Variants in CLDN16 observed in about 807,000 individuals in gnomAD.
CLDN16 encodes claudin 16, also known as claudin-16.
A neutral mutation model predicts 24.6 loss-of-function variants in CLDN16; 13 were observed. The observed-to-expected ratio is 0.53, with a 90% confidence interval of 0.34 to 0.84. The LOEUF (loss-of-function observed/expected upper bound fraction) is 0.84, where lower values mean the gene tolerates loss of function less well. Among genes scored for constraint, CLDN16 ranks in the 40% least tolerant of loss-of-function variants. CLDN16 has a pLI of 0.01. For missense variants in CLDN16, 298 were observed against 292.7 expected (o/e 1.02, Z -0.13); for synonymous variants, 116 against 106.7 (o/e 1.09, Z -0.54).
intron 1 of CLDN16, among the ~76,000 whole-genome samples, chr3:190,330,091 T>C (rs548146785): frequency 1.3e-5 from 2 of 152,144 alleles, no homozygotes; most frequent in South Asian, 4.2e-4. Context: ...CAAGATTATA[T>C]GCAATTTCAG....
At chr3:190,297,778 G>GA in the CLDN16 span, among the ~76,000 whole-genome samples, 721 of 134,018 alleles carry the variant, frequency 5.4e-3, 26 homozygotes, top group South Asian at 0.088. Flanking sequence ...ATACATACCT[G>GA]AAAAAAAAAA....
At chr3:190,322,102 A>T (rs1406310131), upstream of CLDN16, 1 of 1,614,088 alleles carries the variant, frequency 6.2e-7, no homozygotes, top group South Asian at 1.1e-5. Flanking sequence ...TGTCGCCGGC[A>T]TAGGAGTAAA....
At chr3:190,390,416 C>T (rs1222673769) in intron 1 of CLDN16, among the ~76,000 whole-genome samples, 1 of 152,106 alleles carries the variant, frequency 6.6e-6, no homozygotes, top group Non-Finnish European at 1.5e-5. Context: ...GGCCTGTAGT[C>T]CCAGCTACTA....
intron 1 of CLDN16, among the ~76,000 whole-genome samples, chr3:190,390,417 C>CCT (rs1718619258): frequency 6.6e-6 from 1 of 152,028 alleles, no homozygotes; most frequent in Non-Finnish European, 1.5e-5. Flanking sequence ...GCCTGTAGTC[C>CCT]CAGCTACTAA....
At chr3:190,334,486 G>T (rs1577398906) in intron 1 of CLDN16, among the ~76,000 whole-genome samples, 1 of 152,334 alleles carries the variant, frequency 6.6e-6, no homozygotes, top group Non-Finnish European at 1.5e-5. Context: ...GACAAGCACT[G>T]GACAATTTTT....
chr3:190,363,579 T>TAC (rs1717952487), intron 1 of CLDN16, among the ~76,000 whole-genome samples: 1 of 135,962 alleles, frequency 7.4e-6, no homozygotes, highest in African/African-American at 2.7e-5. Context: ...TATATATATA[T>TAC]ATATATATAT....
intron 1 of CLDN16, among the ~76,000 whole-genome samples, chr3:190,340,618 A>G (rs113882640): frequency 0.03 from 4,493 of 152,160 alleles, 108 homozygotes; most frequent in East Asian, 0.081. Context: ...ACACAACCAA[A>G]CCATATCATT....
intron 3 of CLDN16, 98 bp downstream of exon 3, chr3:190,405,024 A>G (rs1719057747): frequency 1.7e-6 from 2 of 1,211,102 alleles, no homozygotes; most frequent in African/African-American, 1.5e-5. Flanking sequence ...TTTTCGGATT[A>G]TATGTGGCTT....
At chr3:190,293,082 AG>A in the CLDN16 span, among the ~76,000 whole-genome samples, 1 of 152,186 alleles carries the variant, frequency 6.6e-6, no homozygotes, top group African/African-American at 2.4e-5. Flanking sequence ...TTTAAAGAAA[AG>A]ATGTTTATTG....
At chr3:190,321,194 CCCTTCAGTG>C (rs1296348283), upstream of CLDN16, among the ~76,000 whole-genome samples, 1 of 152,182 alleles carries the variant, frequency 6.6e-6, no homozygotes, top group Admixed American at 6.5e-5. Context: ...TGCTGCATTT[CCCTTCAGTG>C]CCTTTACTTT....
chr3:190,402,939 T>C (rs570662379), intron 2 of CLDN16, among the ~76,000 whole-genome samples: 1 of 152,244 alleles, frequency 6.6e-6, no homozygotes, highest in Admixed American at 6.5e-5. Context: ...AGACATAGAC[T>C]ATGGGGATCA....
chr3:190,385,446 G>A (rs886818776), upstream of CLDN16, among the ~76,000 whole-genome samples: 2 of 152,086 alleles, frequency 1.3e-5, no homozygotes, highest in African/African-American at 4.8e-5. Context: ...AATGTTTTAT[G>A]TTATTCTCTA....
chr3:190,393,024 T>A (rs1359355838), intron 1 of CLDN16, among the ~76,000 whole-genome samples: 1 of 152,174 alleles, frequency 6.6e-6, no homozygotes, highest in Non-Finnish European at 1.5e-5. Context: ...ACAATAGTGG[T>A]CTGTACTTCA....
At chr3:190,347,604 G>A (rs373135606) in intron 1 of CLDN16, among the ~76,000 whole-genome samples, 4 of 152,128 alleles carry the variant, frequency 2.6e-5, no homozygotes, top group Non-Finnish European at 4.4e-5. Context: ...GCAAGTTCCT[G>A]CCCTCATGGA....
intron 3 of CLDN16, among the ~76,000 whole-genome samples, chr3:190,380,465 T>C (rs1227943394): frequency 2.0e-5 from 3 of 151,938 alleles, no homozygotes; most frequent in South Asian, 2.1e-4. Flanking sequence ...TTATGATAAA[T>C]GGTAGGGAAA....
chr3:190,391,926 A>G (rs1718687545), intron 1 of CLDN16, among the ~76,000 whole-genome samples: 1 of 152,118 alleles, frequency 6.6e-6, no homozygotes, highest in African/African-American at 2.4e-5. Context: ...TTGGGTTTTG[A>G]GATTTTTCAA....
the CLDN16 span, among the ~76,000 whole-genome samples, chr3:190,297,855 T>G: frequency 6.6e-6 from 1 of 150,818 alleles, no homozygotes; most frequent in African/African-American, 2.4e-5. Context: ...TGACTTCCAC[T>G]GAAACTCTGT....
intron 3 of CLDN16, among the ~76,000 whole-genome samples, chr3:190,405,270 A>T (rs918820611): frequency 5.3e-5 from 8 of 151,954 alleles, no homozygotes; most frequent in Non-Finnish European, 1.2e-4. Context: ...CCCCACTAAA[A>T]ATACAAATCC....
At chr3:190,340,499 G>T (rs1424765440) in intron 1 of CLDN16, among the ~76,000 whole-genome samples, 1 of 152,092 alleles carries the variant, frequency 6.6e-6, no homozygotes, top group Non-Finnish European at 1.5e-5. Flanking sequence ...ACATGAGAGG[G>T]TAGCACAGGA....
Sources: gnomAD v4.1 joint callset for allele counts (sites outside exome capture counted in the v4.1 genomes callset) on GRCh38, gnomAD v4.1.1 for gene constraint, MANE v1.5 for transcripts, NCBI Gene and HGNC (gene_info 2026-07-23, HGNC 2026-07-21) for gene names.